The following NAALADL2 variants were observed in gnomAD, a reference collection of about 807,000 sequenced individuals.
NAALADL2 encodes the protein inactive N-acetylated-alpha-linked acidic dipeptidase-like protein 2.
NAALADL2 carries 76 observed loss-of-function variants against 87.2 expected under a neutral mutation model. The observed-to-expected ratio is 0.87, with a 90% CI of 0.72 to 1.05. NAALADL2 has a LOEUF of 1.05. Ranked by LOEUF, NAALADL2 falls within the 50% of genes least tolerant of loss-of-function variation. NAALADL2 has a pLI of 0.00. For missense variants in NAALADL2, 1,089 were observed against 945.8 expected (o/e 1.15, Z -1.99); for synonymous variants, 354 against 331.0 (o/e 1.07, Z -0.75).
chr3:175,624,951 C>T (rs1304824730), intron 10 of NAALADL2, among the ~76,000 whole-genome samples: 5 of 151,964 alleles, frequency 3.3e-5, no homozygotes. Flanking sequence ...GCATCGAGTT[C>T]CTAACAACTA....
At chr3:174,513,970 C>T (rs1719767675) in intron 1 of NAALADL2, among the ~76,000 whole-genome samples, 1 of 152,002 alleles carries the variant, frequency 6.6e-6, no homozygotes, top group Non-Finnish European at 1.5e-5. Context: ...CCTTGTCAGC[C>T]CTCTTCTCTG....
chr3:174,841,624 C>T (rs1724033655), intron 3 of NAALADL2, among the ~76,000 whole-genome samples: 1 of 152,102 alleles, frequency 6.6e-6, no homozygotes, highest in Non-Finnish European at 1.5e-5. Context: ...GGAAAGGACA[C>T]TTCTCTTTTC....
At chr3:175,315,430 A>C (rs891022103) in intron 4 of NAALADL2, among the ~76,000 whole-genome samples, 5 of 152,168 alleles carry the variant, frequency 3.3e-5, no homozygotes, top group African/African-American at 4.8e-5. Flanking sequence ...CTATGGAAGG[A>C]TTAGGAATTA....
At chr3:175,156,815 A>T (rs549733473) in intron 2 of NAALADL2, among the ~76,000 whole-genome samples, 1 of 152,074 alleles carries the variant, frequency 6.6e-6, no homozygotes, top group South Asian at 2.1e-4. Flanking sequence ...AGGTACCTCT[A>T]GACCTATTGT....
At chr3:175,378,992 TG>T (rs1376583340) in intron 5 of NAALADL2, among the ~76,000 whole-genome samples, 3 of 152,164 alleles carry the variant, frequency 2.0e-5, no homozygotes, top group Non-Finnish European at 4.4e-5. Context: ...AGATTTTTAT[TG>T]GTTGCATATT....
At chr3:175,683,509 T>A (rs1735880670) in intron 11 of NAALADL2, among the ~76,000 whole-genome samples, 1 of 151,982 alleles carries the variant, frequency 6.6e-6, no homozygotes, top group African/African-American at 2.4e-5. Flanking sequence ...TATATGTATT[T>A]AAGGTAAATG....
chr3:175,732,556 A>G (rs963647675), intron 11 of NAALADL2, among the ~76,000 whole-genome samples: 5 of 152,132 alleles, frequency 3.3e-5, no homozygotes, highest in African/African-American at 7.2e-5. Context: ...GATTAAAGGT[A>G]ATTATGTTCC....
At chr3:175,331,831 A>G in intron 5 of NAALADL2, among the ~76,000 whole-genome samples, 1 of 152,214 alleles carries the variant, frequency 6.6e-6, no homozygotes, top group East Asian at 1.9e-4. Context: ...TATGCAGATG[A>G]CATGGTCTCA....
chr3:174,523,630 T>C (rs912988190), intron 1 of NAALADL2: 3 of 152,192 alleles, frequency 2.0e-5, no homozygotes, highest in African/African-American at 7.2e-5. Context: ...AATAATTGCT[T>C]AGTACTACCT....
intron 11 of NAALADL2, among the ~76,000 whole-genome samples, chr3:175,691,685 G>A (rs998123707): frequency 6.6e-6 from 1 of 151,882 alleles, no homozygotes; most frequent in African/African-American, 2.4e-5. Flanking sequence ...TCAGATTTTG[G>A]TGTGAATGGC....
In NAALADL2 at chr3:175,343,676, TC is replaced by T. The variant is rs35136535; in HGVS notation, c.1090+19354del. Among the ~76,000 whole-genome samples the T allele has an allele frequency of 2.8e-4, 41 of 145,012 alleles. 6 individuals are homozygous for T. The highest frequency in any genetic ancestry group is 1.1e-3 in the Admixed American group (16 of 14,166). ...TCATGTTTTTTTTTTTTTTTTTTTT[TC>T]CCTTCCCACTGATCAAACTAGGAAA... is the stretch of plus-strand genomic sequence containing the variant. On this transcript the variant is annotated intron_variant, in intron 5 of 13. Transcript: ENST00000454872.
intron 10 of NAALADL2, among the ~76,000 whole-genome samples, chr3:175,600,441 G>T (rs1489309748): frequency 6.9e-6 from 1 of 145,022 alleles, no homozygotes; most frequent in African/African-American, 2.5e-5. Context: ...TCGTAAGCTT[G>T]AAATGAATTA....
chr3:174,674,576 A>G (rs955158346), intron 2 of NAALADL2, among the ~76,000 whole-genome samples: 1 of 151,832 alleles, frequency 6.6e-6, no homozygotes, highest in African/African-American at 2.4e-5. Context: ...AATACTGAAA[A>G]TATTTGTTGG....
At chr3:174,762,940 T>C (rs896323063) in intron 3 of NAALADL2, among the ~76,000 whole-genome samples, 4 of 152,144 alleles carry the variant, frequency 2.6e-5, no homozygotes, top group Non-Finnish European at 5.9e-5. Context: ...TACAACATAA[T>C]ATGTATCATT....
intron 1 of NAALADL2, among the ~76,000 whole-genome samples, chr3:174,945,326 T>A (rs1739250557): frequency 6.6e-6 from 1 of 152,176 alleles, no homozygotes; most frequent in African/African-American, 2.4e-5. Context: ...CCTTTTGCAC[T>A]AGGGATGATA....
chr3:174,508,239 G>T (rs887518460), intron 1 of NAALADL2, among the ~76,000 whole-genome samples: 1 of 148,962 alleles, frequency 6.7e-6, no homozygotes, highest in Non-Finnish European at 1.5e-5. Context: ...TCAGCCTCCC[G>T]AGTAGCTAGG....
chr3:174,702,746 A>G (rs1729676026), intron 2 of NAALADL2, among the ~76,000 whole-genome samples: 1 of 152,216 alleles, frequency 6.6e-6, no homozygotes, highest in Non-Finnish European at 1.5e-5. Context: ...AATGTACAGT[A>G]AAATATGGTA....
At chr3:175,305,270 GTA>G (rs1360284619) in intron 4 of NAALADL2, among the ~76,000 whole-genome samples, 1 of 137,802 alleles carries the variant, frequency 7.3e-6, no homozygotes, top group Non-Finnish European at 1.6e-5. Context: ...GTGTGTGTGT[GTA>G]TGTGTATGTG....
chr3:174,538,459 G>T (rs1483381674), intron 1 of NAALADL2, among the ~76,000 whole-genome samples: 2 of 152,066 alleles, frequency 1.3e-5, no homozygotes. Flanking sequence ...CATGACAGCT[G>T]GTCCTAAAAG....
Sources: allele counts gnomAD v4.1 joint callset (sites outside exome capture counted in the v4.1 genomes callset), GRCh38; gene constraint gnomAD v4.1.1; transcripts MANE v1.5; gene names NCBI Gene and HGNC (gene_info 2026-07-23, HGNC 2026-07-21).